The following TRHDE variants were observed in gnomAD, a reference collection of about 807,000 sequenced individuals.
TRHDE encodes thyrotropin-releasing hormone-degrading ectoenzyme.
In TRHDE, 72 loss-of-function variants were observed where a neutral mutation model predicts 125.7. The ratio of observed to expected loss-of-function variants is 0.57; its 90% CI spans 0.47 to 0.70. The LOEUF is 0.70. Ranked by LOEUF, TRHDE falls within the 30% of genes least tolerant of loss-of-function variation. TRHDE has a pLI of 0.00. For synonymous variants in TRHDE, 509 were observed against 509.1 expected, an observed-to-expected ratio of 1.00 and a Z score of 0.00; for missense variants, 1,110 against 1,327.1, an observed-to-expected ratio of 0.84 and a Z score of 2.54.
At chr12:72,114,945 A>T (rs1239310796) in intron 2 of TRHDE, among the ~76,000 whole-genome samples, 3 of 152,048 alleles carry the variant, frequency 2.0e-5, no homozygotes, top group African/African-American at 4.8e-5. Context: ...ATTTAAAAAA[A>T]TTTCTTATTT....
rs1875154492 is a variant in TRHDE at position 72,667,615 on chromosome 12, T to TAA, written c.*4421_*4422insAA. ...GGCAACAGGAAAAATAATTCCTTGC[T>TAA]ACAGACGGGAAGTCAATCATTTTTA... On this transcript the variant is annotated 3_prime_UTR_variant, in exon 19 of 19. Coordinates refer to ENST00000261180, the MANE Select transcript of TRHDE (RefSeq NM_013381.3). The TAA allele has an allele frequency of 6.6e-6, 1 of 151,790 alleles. No homozygotes were observed. Among genetic ancestry groups the TAA allele is most frequent in the Admixed American group, 6.6e-5 (1 of 15,190 alleles). The allele number at this position is 151,790 out of a possible 1,614,324, so 9.4% of individuals were successfully genotyped here.
intron 3 of TRHDE, among the ~76,000 whole-genome samples, chr12:72,458,028 G>A (rs943183014): frequency 3.9e-5 from 6 of 152,126 alleles, no homozygotes; most frequent in African/African-American, 1.2e-4. Context: ...GTTCCATGCT[G>A]TGGGATGGGC....
At position 72,393,823 on chromosome 12, in the gene TRHDE, A is replaced by G. The variant is rs572927157; in HGVS notation, c.1315+15702A>G. On this transcript the variant is annotated intron_variant, in intron 3 of 18. Coordinates refer to ENST00000261180, the MANE Select transcript of TRHDE (RefSeq NM_013381.3). ...GAAGTATGTTACAAGTATCATAAAG[A>G]TATTACTATGAATTTCATGAAAATA... 2.0e-5 allele frequency among the ~76,000 whole-genome samples: 3 copies of G among 152,288 alleles called. 1 individual carries two copies. In the East Asian group the frequency reaches 5.8e-4, roughly 29 times the overall value.
At chr12:72,149,999 T>A (rs1421405051) in intron 2 of TRHDE, among the ~76,000 whole-genome samples, 1 of 152,192 alleles carries the variant, frequency 6.6e-6, no homozygotes, top group Non-Finnish European at 1.5e-5. Flanking sequence ...ACAACATATA[T>A]GTACCACTAA....
At chr12:72,101,587 T>C (rs1261640051) in intron 1 of TRHDE, among the ~76,000 whole-genome samples, 1 of 152,190 alleles carries the variant, frequency 6.6e-6, no homozygotes, top group Non-Finnish European at 1.5e-5. Flanking sequence ...TCTTTCCATC[T>C]GAAATCTGTA....
intron 10 of TRHDE, among the ~76,000 whole-genome samples, chr12:72,571,319 A>G (rs1286575877): frequency 4.6e-5 from 7 of 152,154 alleles, no homozygotes; most frequent in Non-Finnish European, 7.3e-5. Context: ...ACAGTTCCAT[A>G]TTTAATTATA....
At chr12:72,138,920 T>A (rs1407983685) in intron 2 of TRHDE, among the ~76,000 whole-genome samples, 1 of 152,218 alleles carries the variant, frequency 6.6e-6, no homozygotes, top group Non-Finnish European at 1.5e-5. Flanking sequence ...AAGCAGCACA[T>A]GAACTTGGCT....
At chr12:72,119,422 T>G (rs1221240267) in intron 2 of TRHDE, among the ~76,000 whole-genome samples, 1 of 152,218 alleles carries the variant, frequency 6.6e-6, no homozygotes, top group Non-Finnish European at 1.5e-5. Context: ...ATTTGAATTT[T>G]TTGAATGTTT....
At chr12:72,583,709 T>G (rs2136039428) in intron 12 of TRHDE, among the ~76,000 whole-genome samples, 1 of 152,318 alleles carries the variant, frequency 6.6e-6, no homozygotes, top group East Asian at 1.9e-4. Flanking sequence ...ATTTTCAAGC[T>G]ACACTGTTTC....
chr12:72,209,984 A>T (rs893408477), intron 2 of TRHDE, among the ~76,000 whole-genome samples: 14 of 152,186 alleles, frequency 9.2e-5, no homozygotes, highest in Non-Finnish European at 1.9e-4. Flanking sequence ...TTGAGGCCTA[A>T]AAAAGAATAA....
intron 2 of TRHDE, among the ~76,000 whole-genome samples, chr12:72,198,073 T>C (rs1187507500): frequency 6.6e-6 from 1 of 152,124 alleles, no homozygotes; most frequent in Non-Finnish European, 1.5e-5. Context: ...ATATGTGACA[T>C]TTTGTGTCTG....
At chr12:72,279,183 T>C (rs76612926) in intron 1 of TRHDE, among the ~76,000 whole-genome samples, 3,816 of 152,332 alleles carry the variant, frequency 0.025, 97 homozygotes, top group Non-Finnish European at 0.034. Context: ...GGACATGTTT[T>C]AGGTGTGCTT....
At chr12:72,492,484 C>T (rs1592487237) in intron 5 of TRHDE, among the ~76,000 whole-genome samples, 1 of 151,960 alleles carries the variant, frequency 6.6e-6, no homozygotes, top group Non-Finnish European at 1.5e-5. Context: ...TATATGCTTA[C>T]AAAAGATGAT....
rs76989825 is a variant in TRHDE, at chr12:72,378,567, G to A, written c.1315+446G>A. On this transcript the variant is annotated intron_variant, in intron 3 of 18. Coordinates refer to ENST00000261180, the MANE Select transcript of TRHDE (RefSeq NM_013381.3). ...TCAAACTAGGTCTTGATGACTCCCCGAACAACTCAATATTTTACATGGAGA... is the reference window on the plus strand; with the variant it reads ...TCAAACTAGGTCTTGATGACTCCCCAAACAACTCAATATTTTACATGGAGA... Among the ~76,000 whole-genome samples, 662 of 152,224 alleles carry A rather than the reference G, an allele frequency of 4.3e-3. 2 individuals are homozygous for A. Among genetic ancestry groups the A allele is most frequent in the African/African-American group, 0.015 (608 of 41,548 alleles).
At chr12:72,260,688 G>A (rs1878930179) in intron 2 of TRHDE, among the ~76,000 whole-genome samples, 2 of 152,214 alleles carry the variant, frequency 1.3e-5, no homozygotes, top group Admixed American at 1.3e-4. Flanking sequence ...GGGCAGGGAA[G>A]AGGACATAAG....
At chr12:72,373,495 A>G (rs910415423) in intron 2 of TRHDE, among the ~76,000 whole-genome samples, 9 of 152,154 alleles carry the variant, frequency 5.9e-5, no homozygotes, top group African/African-American at 2.2e-4. Context: ...GACTTGAGCT[A>G]ATAGATAAAA....
intron 3 of TRHDE, among the ~76,000 whole-genome samples, chr12:72,466,561 A>G (rs1360858299): frequency 3.9e-5 from 6 of 152,220 alleles, no homozygotes; most frequent in Non-Finnish European, 8.8e-5. Flanking sequence ...GTAAAATCTT[A>G]TATAAAATAA....
chr12:72,125,286 G>C lies in TRHDE; in HGVS notation n.279+19534G>C, dbSNP rs867390400. Among the ~76,000 whole-genome samples the C allele has an allele frequency of 3.3e-5, 5 of 152,206 alleles. No homozygotes were observed. The South Asian group carries it at 6.2e-4, about 19-fold the overall frequency. ...TCTGTTCTGGATCTTTGTGGTGCAA[G>C]AGGTTCCTTCCAGGTTGTTTATATG... is the stretch of plus-strand genomic sequence containing the variant. On this transcript the variant is annotated intron_variant and non_coding_transcript_variant, in intron 2 of 4. Coordinates refer to the TRHDE transcript ENST00000548156.
chr12:72,128,039 G>A (rs1418775498), intron 2 of TRHDE, among the ~76,000 whole-genome samples: 1 of 152,080 alleles, frequency 6.6e-6, no homozygotes, highest in East Asian at 1.9e-4. Flanking sequence ...CTGGAAATGT[G>A]CAGAGGATGC....
Sources: allele counts gnomAD v4.1 joint callset (sites outside exome capture counted in the v4.1 genomes callset), GRCh38; gene constraint gnomAD v4.1.1; transcripts MANE v1.5; gene names NCBI Gene and HGNC (gene_info 2026-07-23, HGNC 2026-07-21).